The following SNX7 variants were observed in gnomAD, a reference collection of about 807,000 sequenced individuals.
The protein encoded by SNX7 is sorting nexin 7.
In SNX7, 35 loss-of-function variants were observed where a neutral mutation model predicts 48.4. The ratio of observed to expected loss-of-function variants is 0.72; its 90% CI spans 0.55 to 0.96. SNX7 has a LOEUF of 0.96. SNX7 is among the 40% of genes least tolerant of loss of function. The pLI, the probability that SNX7 is intolerant of heterozygous loss-of-function variation, is 0.00. For missense variants in SNX7, 553 were observed against 548.9 expected (o/e 1.01, Z -0.07); for synonymous variants, 190 against 190.2 (o/e 1.00, Z 0.01).
chr1:98,722,817 A>G (rs12728686), intron 7 of SNX7, among the ~76,000 whole-genome samples: 38 of 150,784 alleles, frequency 2.5e-4, no homozygotes, highest in Admixed American at 1.2e-3. Context: ...AAGAATAACT[A>G]TCATCCTCAA....
At chr1:98,663,777 C>T (rs1469541622) in intron 1 of SNX7, among the ~76,000 whole-genome samples, 1 of 152,138 alleles carries the variant, frequency 6.6e-6, no homozygotes, top group Non-Finnish European at 1.5e-5. Context: ...CTTCCAAACT[C>T]TAAAAGCCCG....
intron 7 of SNX7, among the ~76,000 whole-genome samples, chr1:98,720,669 T>C (rs1362117713): frequency 6.6e-6 from 1 of 152,076 alleles, no homozygotes; most frequent in African/African-American, 2.4e-5. Context: ...AAAAATTCAG[T>C]TTCTCAGTCA....
At chr1:98,727,797 A>C (rs1653265931) in intron 7 of SNX7, among the ~76,000 whole-genome samples, 1 of 152,082 alleles carries the variant, frequency 6.6e-6, no homozygotes, top group African/African-American at 2.4e-5. Flanking sequence ...GAGATTGAAG[A>C]CTATCTTGCT....
intron 7 of SNX7, among the ~76,000 whole-genome samples, chr1:98,706,210 T>A (rs1429883451): frequency 6.6e-6 from 1 of 152,110 alleles, no homozygotes; most frequent in African/African-American, 2.4e-5. Flanking sequence ...ATAATTAAAA[T>A]TTATAATATA....
chr1:98,702,185 A>T (rs1651786671), intron 7 of SNX7, among the ~76,000 whole-genome samples: 1 of 152,290 alleles, frequency 6.6e-6, no homozygotes, highest in South Asian at 2.1e-4. Flanking sequence ...AGAAGAAAGT[A>T]TGAAAGGCAA....
Position 98,669,214 on chromosome 1 carries a change from C to T in SNX7, c.180+7303C>T, listed in dbSNP as rs566097541. Among the ~76,000 whole-genome samples, 38 of 152,336 alleles carry T rather than the reference C, an allele frequency of 2.5e-4. 1 individual carries two copies. Among genetic ancestry groups the T allele is most frequent in the Admixed American group, 2.2e-3 (33 of 15,304 alleles). On this transcript the variant is annotated intron_variant, in intron 1 of 8. Transcript: ENST00000306121. ...TTACCTTCTAATCATCCCTCTCATG[C>T]ACTCTCCATGTCTGTTCATATATCT...
At position 98,733,116 on chromosome 1, in the gene SNX7, A is replaced by G. The variant is rs114704874; in HGVS notation, c.1126-5121A>G. On this transcript the variant is annotated intron_variant, in intron 7 of 8. Transcript: ENST00000306121. ...TCCAAAAATTCTTTGCTCTGTATGCAACTGAGTGGTTTTGAATGTTTATAT... is the reference window on the plus strand; with the variant it reads ...TCCAAAAATTCTTTGCTCTGTATGCGACTGAGTGGTTTTGAATGTTTATAT... 5.7e-3 allele frequency among the ~76,000 whole-genome samples: 873 copies of G among 152,252 alleles called. 5 individuals are homozygous for G. Among genetic ancestry groups the G allele is most frequent in the African/African-American group, 0.02 (829 of 41,558 alleles).
At position 98,738,374 on chromosome 1, in the gene SNX7, C is replaced by CCATT. The variant is rs1203400585; in HGVS notation, c.1264_1267dup (p.Tyr423SerfsTer4). On this transcript the variant is annotated frameshift_variant, in exon 8 of 9. Coordinates refer to ENST00000306121, the MANE Select transcript of SNX7 (RefSeq NM_015976.5). LOFTEE classifies it low-confidence loss of function (END_TRUNC). The stretch of plus-strand genomic sequence containing the variant: ...TTACAGATATGGCTGAGGAGAATAT[C>CCATT]CATTATTATGAACAGGTAATTAGTG... 1.2e-6 allele frequency: 2 copies of CCATT among 1,612,892 alleles called. No homozygotes were observed.
chr1:98,701,169 A>G (rs1651728476), intron 6 of SNX7, among the ~76,000 whole-genome samples: 1 of 152,196 alleles, frequency 6.6e-6, no homozygotes, highest in Admixed American at 6.6e-5. Flanking sequence ...ATTTCTTCAC[A>G]TGGGTGCTTT....
At chr1:98,675,619 A>T (rs1050914501) in intron 1 of SNX7, among the ~76,000 whole-genome samples, 3 of 152,226 alleles carry the variant, frequency 2.0e-5, no homozygotes, top group Non-Finnish European at 4.4e-5. Context: ...ATGAGCAAAA[A>T]GAATGCCAAA....
At chr1:98,690,256 T>G (rs778621093) in intron 2 of SNX7, among the ~76,000 whole-genome samples, 30 of 152,050 alleles carry the variant, frequency 2.0e-4, no homozygotes, top group Non-Finnish European at 4.1e-4. Flanking sequence ...GGTATTGGTG[T>G]GAGTGACTGT....
intron 6 of SNX7, among the ~76,000 whole-genome samples, chr1:98,699,946 C>T (rs1011313968): frequency 1.4e-4 from 21 of 152,138 alleles, no homozygotes; most frequent in Admixed American, 7.2e-4. Flanking sequence ...TATCCATTTC[C>T]TTGGCTACAT....
At chr1:98,687,129 A>G (rs1650846174) in intron 2 of SNX7, among the ~76,000 whole-genome samples, 1 of 152,154 alleles carries the variant, frequency 6.6e-6, no homozygotes, top group African/African-American at 2.4e-5. Flanking sequence ...TCTACATGTT[A>G]ACTCATTTAG....
chr1:98,744,634 A>G (rs769101337), intron 8 of SNX7, among the ~76,000 whole-genome samples: 8 of 152,122 alleles, frequency 5.3e-5, no homozygotes, highest in Non-Finnish European at 8.8e-5. Context: ...GAACTAACTC[A>G]TTTCTATTTC....
chr1:98,662,426 T>A (rs993694080), intron 1 of SNX7: 4 of 283,862 alleles, frequency 1.4e-5, no homozygotes, highest in African/African-American at 8.9e-5. Context: ...GAAATCTCCC[T>A]GAACAGGAGA....
chr1:98,686,109 C>G (rs1157808804), intron 2 of SNX7, among the ~76,000 whole-genome samples: 4 of 152,122 alleles, frequency 2.6e-5, no homozygotes, highest in Admixed American at 2.6e-4. Flanking sequence ...TGTCCATCCC[C>G]TTCTTAGACA....
At chr1:98,672,700 G>A (rs1413189097) in intron 1 of SNX7, among the ~76,000 whole-genome samples, 1 of 151,358 alleles carries the variant, frequency 6.6e-6, no homozygotes, top group African/African-American at 2.4e-5. Context: ...CGAGGCGGGT[G>A]GATCTTGAGG....
At chr1:98,720,818 T>C (rs1248329308) in intron 7 of SNX7, among the ~76,000 whole-genome samples, 2 of 152,106 alleles carry the variant, frequency 1.3e-5, no homozygotes. Context: ...GAGCTGTTTT[T>C]TATATATGGT....
At chr1:98,735,890 A>G (rs537559029) in intron 7 of SNX7, among the ~76,000 whole-genome samples, 10 of 152,266 alleles carry the variant, frequency 6.6e-5, no homozygotes, top group South Asian at 2.1e-4. Context: ...CTTAATCCCA[A>G]TGCTGTACTG....
Sources: gnomAD v4.1 joint callset for allele counts (sites outside exome capture counted in the v4.1 genomes callset) on GRCh38, gnomAD v4.1.1 for gene constraint, MANE v1.5 for transcripts, NCBI Gene and HGNC (gene_info 2026-07-23, HGNC 2026-07-21) for gene names.